Variants in IFT43 observed in about 807,000 individuals in gnomAD.
IFT43 encodes the protein intraflagellar transport protein 43 homolog.
Under a neutral mutation model 32.3 loss-of-function variants are expected in IFT43, and 33 were observed. That is an observed-to-expected ratio of 1.02 (90% CI 0.77 to 1.37). The LOEUF (loss-of-function observed/expected upper bound fraction) is 1.37, where lower values mean the gene tolerates loss of function less well. Ranked by LOEUF, IFT43 falls within the 40% of genes most tolerant of loss-of-function variation. IFT43 has a pLI of 0.00. For synonymous variants in IFT43, 93 were observed against 98.2 expected (o/e 0.95, Z 0.31); for missense variants, 274 against 265.9 (o/e 1.03, Z -0.21).
chr14:76,068,350 T>G (rs940542256), intron 5 of IFT43, among the ~76,000 whole-genome samples: 3 of 152,328 alleles, frequency 2.0e-5, no homozygotes. Context: ...TCAGCAGAGA[T>G]AGGTCTTGAT....
At position 76,022,374 on chromosome 14, in the gene IFT43, T is replaced by A. The variant is rs766606545; in HGVS notation, c.195T>A (p.Gly65=). Reference sequence around the variant, plus strand: ...GCTGCCGACAGGGAGGCTGGGCAGGTGATTCCGTGAAGGCTTCGAAGTGAG... The same window carrying A: ...GCTGCCGACAGGGAGGCTGGGCAGGAGATTCCGTGAAGGCTTCGAAGTGAG... ...LPRCRQGGWA[G]DSVKASKFRR... Residue 65 remains glycine, a synonymous_variant, in exon 3 of 9, where the codon GGT becomes GGA. Coordinates refer to ENST00000314067, the MANE Select transcript of IFT43 (RefSeq NM_001102564.3). The A allele has an allele frequency of 3.2e-5, 52 of 1,611,800 alleles. 1 individual carries two copies. In the Middle Eastern group the frequency reaches 8.2e-4, roughly 25 times the overall value.
At chr14:76,079,602 G>A (rs143443199) in intron 5 of IFT43, among the ~76,000 whole-genome samples, 60 of 152,294 alleles carry the variant, frequency 3.9e-4, no homozygotes, top group African/African-American at 1.3e-3. Context: ...TGACCTCATT[G>A]CAGCTGTTCA....
At position 76,041,604 on chromosome 14, in the gene IFT43, C is replaced by A. The variant is rs565657875; in HGVS notation, c.216-17038C>A. Among the ~76,000 whole-genome samples, 3 of 152,222 alleles carry A rather than the reference C, an allele frequency of 2.0e-5. 1 individual carries two copies. The South Asian group carries it at 6.2e-4, about 32-fold the overall frequency. On this transcript the variant is annotated intron_variant, in intron 3 of 8. Coordinates refer to ENST00000314067, the MANE Select transcript of IFT43 (RefSeq NM_001102564.3). ...AAGCAAACTGGTAGCTCTTTAATGA[C>A]GTAAAAATTCAAACAAGACAGATAA... is the stretch of plus-strand genomic sequence containing the variant.
At chr14:76,018,666 T>C (rs1043850930) in intron 2 of IFT43, among the ~76,000 whole-genome samples, 1 of 152,188 alleles carries the variant, frequency 6.6e-6, no homozygotes, top group Non-Finnish European at 1.5e-5. Context: ...CACCAACTAT[T>C]ATTGTATTGG....
intron 3 of IFT43, among the ~76,000 whole-genome samples, chr14:76,040,616 T>A (rs1320119398): frequency 6.6e-6 from 1 of 152,250 alleles, no homozygotes; most frequent in African/African-American, 2.4e-5. Context: ...TAGTGACCAG[T>A]GTCACACAGC....
At position 76,076,597 on chromosome 14, in the gene IFT43, C is replaced by T. The variant is rs751122392; in HGVS notation, c.296-5698C>T. 1.2e-5 allele frequency: 19 copies of T among 1,613,840 alleles called. No individual in the cohort carries two copies. Among genetic ancestry groups the T allele is most frequent in the Middle Eastern group, 1.6e-4 (1 of 6,084 alleles). On this transcript the variant is annotated intron_variant, in intron 5 of 8. Transcript: ENST00000314067. ...TCTAAGAAGTCACTTTCTGTTCTAG[C>T]GGTACCCAAACAGGCAAACAACAGC...
At chr14:76,078,719 C>T (rs2037454316) in intron 5 of IFT43, among the ~76,000 whole-genome samples, 2 of 152,202 alleles carry the variant, frequency 1.3e-5, no homozygotes, top group African/African-American at 4.8e-5. Flanking sequence ...GCAGTGCGGC[C>T]GTGTGACGGT....
chr14:76,057,431 A>G (rs1238790322), intron 3 of IFT43, among the ~76,000 whole-genome samples: 1 of 151,968 alleles, frequency 6.6e-6, no homozygotes, highest in Admixed American at 6.6e-5. Flanking sequence ...GGGTTTCACC[A>G]TGTTGGACGG....
chr14:76,056,357 T>C (rs1472726731), intron 3 of IFT43, among the ~76,000 whole-genome samples: 1 of 152,344 alleles, frequency 6.6e-6, no homozygotes. Flanking sequence ...GGGAGAGTCC[T>C]TGGGCTCCCC....
At chr14:75,999,505 A>G (rs1378917503) in intron 2 of IFT43, among the ~76,000 whole-genome samples, 1 of 151,864 alleles carries the variant, frequency 6.6e-6, no homozygotes, top group African/African-American at 2.4e-5. Context: ...TACATTTAAT[A>G]TACACTTTCT....
Position 76,022,313 on chromosome 14 carries a change from C to T in IFT43, c.148-14C>T, listed in dbSNP as rs755492095. 1 of 1,609,650 alleles carries T rather than the reference C, an allele frequency of 6.2e-7. No individual in the cohort carries two copies. The highest frequency in any genetic ancestry group is 8.5e-7 in the Non-Finnish European group (1 of 1,176,000). On this transcript the variant is annotated splice_polypyrimidine_tract_variant and intron_variant, in intron 2 of 8. Transcript: ENST00000314067. Reference sequence around the variant, plus strand: ...TTGAGTGAATGTGTTCTTTTGACTTCTCTTTCCTTGTAGACTTCCTCTGCT... The same window carrying T: ...TTGAGTGAATGTGTTCTTTTGACTTTTCTTTCCTTGTAGACTTCCTCTGCT...
At chr14:76,027,336 C>CCA (rs1200210412) in intron 3 of IFT43, among the ~76,000 whole-genome samples, 1 of 47,634 alleles carries the variant, frequency 2.1e-5, no homozygotes, top group East Asian at 3.8e-4. Flanking sequence ...CCCCAACACC[C>CCA]CCCACACACA....
chr14:75,993,858 G>T (rs1170980586), intron 2 of IFT43, among the ~76,000 whole-genome samples: 2 of 152,158 alleles, frequency 1.3e-5, no homozygotes, highest in African/African-American at 2.4e-5. Flanking sequence ...CCAGTAAGAA[G>T]GGTGTACCCC....
intron 3 of IFT43, among the ~76,000 whole-genome samples, chr14:76,050,922 GTATTTCAACCTTTTTTCACACATT>G: frequency 6.6e-6 from 1 of 152,172 alleles, no homozygotes; most frequent in South Asian, 2.1e-4. Context: ...GCGTTTCTGT[GTATTTCAACCTTTTTTCACACATT>G]TAGTTTGAAG....
At chr14:76,070,772 A>C (rs2037307555) in intron 5 of IFT43, among the ~76,000 whole-genome samples, 1 of 147,908 alleles carries the variant, frequency 6.8e-6, no homozygotes, top group Admixed American at 6.8e-5. Flanking sequence ...GCGCCTCCCC[A>C]CCCCTCCCTC....
Position 76,058,679 on chromosome 14 carries a change from G to A in IFT43, c.248+5G>A, listed in dbSNP as rs747640997. On this transcript the variant is annotated splice_donor_5th_base_variant and intron_variant, in intron 4 of 8. Coordinates refer to ENST00000314067, the MANE Select transcript of IFT43 (RefSeq NM_001102564.3). ...GGCTTCTGAAGAAATAGAAGAGTAC[G>A]TTTCCAGTATTCTTATTCTTATGGT... The A allele has an allele frequency of 3.2e-5, 51 of 1,609,046 alleles. No homozygotes were observed. Among genetic ancestry groups the A allele is most frequent in the South Asian group, 7.7e-5 (7 of 90,970 alleles).
At chr14:76,026,179 T>C (rs906649495) in intron 3 of IFT43, among the ~76,000 whole-genome samples, 1 of 151,836 alleles carries the variant, frequency 6.6e-6, no homozygotes, top group East Asian at 1.9e-4. Context: ...GCCAACAAGC[T>C]CAACATCACT....
At chr14:76,068,965 ATAAG>A (rs2037272724) in intron 5 of IFT43, among the ~76,000 whole-genome samples, 1 of 152,228 alleles carries the variant, frequency 6.6e-6, no homozygotes, top group Admixed American at 6.5e-5. Context: ...ACACAGCAAA[ATAAG>A]TAAGGACAAA....
chr14:76,083,450 C>T lies in IFT43; in HGVS notation c.508-8C>T. 6.2e-7 allele frequency: 1 copy of T among 1,614,176 alleles called. No individual in the cohort carries two copies. Among genetic ancestry groups the T allele is most frequent in the South Asian group, 1.1e-5 (1 of 91,086 alleles). Reference sequence around the variant, plus strand: ...CTTTGTCTTACCCAGCGAAACCCTTCTTGGCAGGATGATGTCGGCTGGGAC... The same window carrying T: ...CTTTGTCTTACCCAGCGAAACCCTTTTTGGCAGGATGATGTCGGCTGGGAC... On this transcript the variant is annotated splice_region_variant and splice_polypyrimidine_tract_variant and intron_variant, in intron 8 of 8. Coordinates refer to ENST00000314067, the MANE Select transcript of IFT43 (RefSeq NM_001102564.3).
Sources: gnomAD v4.1 joint callset for allele counts (sites outside exome capture counted in the v4.1 genomes callset) on GRCh38, gnomAD v4.1.1 for gene constraint, MANE v1.5 for transcripts, NCBI Gene and HGNC (gene_info 2026-07-23, HGNC 2026-07-21) for gene names.